JAK2: variants seen among roughly 807,000 people sequenced by gnomAD.
JAK2 encodes the protein tyrosine-protein kinase JAK2.
In JAK2, 86 loss-of-function variants were observed where a neutral mutation model predicts 139.3. That is an observed-to-expected ratio of 0.62 (90% CI 0.52 to 0.74). JAK2 has a LOEUF of 0.74. JAK2 is among the 30% of genes least tolerant of loss of function. The probability of loss-of-function intolerance (pLI) is 0.00; values close to 1 mark genes in which losing one functional copy is unlikely to be tolerated. For missense variants in JAK2, 1,421 were observed against 1,360.3 expected, an observed-to-expected ratio of 1.04 and a Z score of -0.70; for synonymous variants, 490 against 437.7, an observed-to-expected ratio of 1.12 and a Z score of -1.49.
In JAK2 at chr9:5,073,744, A is replaced by G. The variant is rs1489598500; in HGVS notation, c.1823A>G (p.His608Arg). The G allele has an allele frequency of 9.3e-6, 15 of 1,612,410 alleles. No individual in the cohort carries two copies. Among genetic ancestry groups the G allele is most frequent in the Non-Finnish European group, 1.3e-5 (15 of 1,179,170 alleles). Residue 608 changes from histidine to arginine, a missense_variant, in exon 14 of 25, where the codon CAT (histidine) becomes CGT (arginine). His to Arg is a conservative substitution (Grantham distance 29, BLOSUM62 0). Coordinates refer to ENST00000381652, the MANE Select transcript of JAK2 (RefSeq NM_004972.4). Reference protein sequence around the residue: ...ASMMSKLSHKHLVLNYGVCVC... With the variant: ...ASMMSKLSHKRLVLNYGVCVC... ...ATGATGAGCAAGCTTTCTCACAAGC[A>G]TTTGGTTTTAAATTATGGAGTATGT...
intron 2 of JAK2, among the ~76,000 whole-genome samples, chr9:5,015,653 G>T (rs1260408441): frequency 6.6e-6 from 1 of 151,130 alleles, no homozygotes; most frequent in Non-Finnish European, 1.5e-5. Flanking sequence ...TGATCCTATT[G>T]TTTTCTTTCT....
intron 2 of JAK2, among the ~76,000 whole-genome samples, chr9:4,991,023 GT>G (rs892841152): frequency 6.6e-6 from 1 of 152,084 alleles, no homozygotes; most frequent in South Asian, 2.1e-4. Flanking sequence ...TTGGTTCTGT[GT>G]TTTTTTCTGA....
chr9:5,101,213 C>A (rs1821454959), intron 22 of JAK2, among the ~76,000 whole-genome samples: 1 of 152,222 alleles, frequency 6.6e-6, no homozygotes, highest in Non-Finnish European at 1.5e-5. Flanking sequence ...TACCAAATGG[C>A]ACACCAGGAG....
chr9:5,078,143 A>G (rs570592614), intron 15 of JAK2, among the ~76,000 whole-genome samples, 163 bp from the exon 16 acceptor site: 1 of 152,334 alleles, frequency 6.6e-6, no homozygotes, highest in African/African-American at 2.4e-5. Flanking sequence ...GTAAAACAGG[A>G]AGCATAGGAG....
At chr9:5,062,538 A>G (rs186308269) in intron 8 of JAK2, among the ~76,000 whole-genome samples, 42 of 146,404 alleles carry the variant, frequency 2.9e-4, no homozygotes, top group African/African-American at 1.0e-3. Flanking sequence ...AAAAGGTCAT[A>G]TCTGCAAGGA....
At position 4,998,946 on chromosome 9, in the gene JAK2, G is replaced by A. The variant is rs183347409; in HGVS notation, c.-26+12924G>A. 3.6e-3 allele frequency among the ~76,000 whole-genome samples: 550 copies of A among 151,376 alleles called. 1 individual carries two copies. The highest frequency in any genetic ancestry group is 0.012 in the African/African-American group (513 of 41,286). On this transcript the variant is annotated intron_variant, in intron 2 of 24. Transcript: ENST00000381652. The stretch of plus-strand genomic sequence containing the variant: ...ACGCCATTCTCCTGCCTCAGCCTCC[G>A]GAGTAGCTGGGACTACAGGTGCCCG...
intron 21 of JAK2, 57 bp downstream of exon 21, chr9:5,090,627 T>C: frequency 1.3e-6 from 2 of 1,534,496 alleles, no homozygotes; most frequent in Non-Finnish European, 1.8e-6. Context: ...AAGTAGACAT[T>C]AGGAAATCAT....
chr9:5,019,165 C>A (rs1367527202), intron 2 of JAK2, among the ~76,000 whole-genome samples: 1 of 152,058 alleles, frequency 6.6e-6, no homozygotes, highest in Non-Finnish European at 1.5e-5. Context: ...TTTGTATTTT[C>A]ATTGTCTTCT....
intron 18 of JAK2, among the ~76,000 whole-genome samples, chr9:5,081,408 G>C (rs986512019): frequency 6.6e-6 from 1 of 152,100 alleles, no homozygotes; most frequent in South Asian, 2.1e-4. Flanking sequence ...GCATGTGTTT[G>C]ACCTATAGGT....
At chr9:5,049,309 C>T (rs774212663) in intron 5 of JAK2, among the ~76,000 whole-genome samples, 2 of 152,174 alleles carry the variant, frequency 1.3e-5, no homozygotes, top group East Asian at 1.9e-4. Context: ...TACCTGCAGT[C>T]GGACCCCAAC....
intron 4 of JAK2, among the ~76,000 whole-genome samples, chr9:5,037,417 T>C (rs1266945509): frequency 6.6e-6 from 1 of 152,208 alleles, no homozygotes; most frequent in Non-Finnish European, 1.5e-5. Flanking sequence ...CGTATGTTTA[T>C]TGCGGCACTA....
At chr9:5,095,799 A>C (rs764526576) in intron 22 of JAK2, among the ~76,000 whole-genome samples, 1 of 152,208 alleles carries the variant, frequency 6.6e-6, no homozygotes, top group South Asian at 2.1e-4. Flanking sequence ...GAATGATCCC[A>C]GTACTAACTT....
intron 20 of JAK2, among the ~76,000 whole-genome samples, chr9:5,090,207 G>GA: frequency 2.0e-5 from 3 of 152,022 alleles, no homozygotes; most frequent in Non-Finnish European, 4.4e-5. Flanking sequence ...AGTTTATTTT[G>GA]GTTTGCCTGA....
rs1339263241 is a variant in JAK2 at position 5,128,733 on chromosome 9, C to T, written c.*1942C>T. On this transcript the variant is annotated 3_prime_UTR_variant, in exon 25 of 25. Transcript: ENST00000381652. Reference sequence around the variant, plus strand: ...TCCAAGAGACTTCTTTTCATTGAGGCTTCGTAAAGTTTTCCATTTTGATTC... The same window carrying T: ...TCCAAGAGACTTCTTTTCATTGAGGTTTCGTAAAGTTTTCCATTTTGATTC... Among the ~76,000 whole-genome samples, 1 of 151,786 alleles carries T rather than the reference C, an allele frequency of 6.6e-6. No homozygotes were observed. The highest frequency in any genetic ancestry group is 1.9e-4 in the East Asian group (1 of 5,192).
chr9:5,034,374 C>T (rs1823405148), intron 4 of JAK2, among the ~76,000 whole-genome samples: 2 of 152,154 alleles, frequency 1.3e-5, no homozygotes, highest in South Asian at 2.1e-4. Flanking sequence ...TTGAATTCAG[C>T]TCTGGACCAA....
chr9:5,083,546 T>C (rs1819863880), intron 19 of JAK2, among the ~76,000 whole-genome samples: 5 of 152,366 alleles, frequency 3.3e-5, no homozygotes, highest in African/African-American at 1.2e-4. Context: ...AATCACAGTC[T>C]TCTGTTGTTT....
intron 2 of JAK2, among the ~76,000 whole-genome samples, chr9:5,009,322 G>T (rs568973979): frequency 6.6e-6 from 1 of 152,194 alleles, no homozygotes; most frequent in Admixed American, 6.5e-5. Context: ...AAGCCGTGAA[G>T]AATATCCACA....
At position 5,126,424 on chromosome 9, in the gene JAK2, G is replaced by C. The variant is rs780942191; in HGVS notation, c.3269G>C (p.Arg1090Thr). 2 of 1,608,650 alleles carry C rather than the reference G, an allele frequency of 1.2e-6. No individual in the cohort carries two copies. The highest frequency in any genetic ancestry group is 1.7e-6 in the Non-Finnish European group (2 of 1,176,106). Reference sequence around the variant, plus strand: ...TTGAAGAATAATGGAAGATTACCAAGACCAGATGGATGCCCAGATGAGGTA... The same window carrying C: ...TTGAAGAATAATGGAAGATTACCAACACCAGATGGATGCCCAGATGAGGTA... ...ELLKNNGRLP[R>T]PDGCPDEIYM... is the part of the protein sequence containing the mutation. Residue 1090 changes from arginine to threonine, a missense_variant, in exon 24 of 25, where the codon AGA becomes ACA. Arg to Thr is a moderately conservative substitution (Grantham distance 71). Transcript: ENST00000381652.
At chr9:5,024,962 C>T (rs1412459731) in intron 3 of JAK2, among the ~76,000 whole-genome samples, 4 of 152,082 alleles carry the variant, frequency 2.6e-5, no homozygotes, top group South Asian at 2.1e-4. Context: ...GGAGTGGAGC[C>T]GGGGCTGGTG....
Sources: allele counts gnomAD v4.1 joint callset (sites outside exome capture counted in the v4.1 genomes callset), GRCh38; gene constraint gnomAD v4.1.1; transcripts MANE v1.5; gene names NCBI Gene and HGNC (gene_info 2026-07-23, HGNC 2026-07-21).